The following DPP10 variants were observed in gnomAD, a reference collection of about 807,000 sequenced individuals.
The protein encoded by DPP10 is dipeptidyl peptidase like 10.
DPP10 carries 33 observed loss-of-function variants against 120.9 expected under a neutral mutation model. That is an observed-to-expected ratio of 0.27 (90% CI 0.21 to 0.37). The LOEUF is 0.37. DPP10 is among the 10% of genes least tolerant of loss of function. DPP10 has a pLI of 1.00. For synonymous variants in DPP10, 337 were observed against 326.1 expected (o/e 1.03, Z -0.36); for missense variants, 816 against 942.8 (o/e 0.87, Z 1.76).
At chr2:115,691,056 T>C (rs973351247) in intron 7 of DPP10, among the ~76,000 whole-genome samples, 13 of 152,226 alleles carry the variant, frequency 8.5e-5, no homozygotes, top group Admixed American at 7.9e-4. Flanking sequence ...TACTGGCAAT[T>C]TGTATTTTTT....
At chr2:115,526,004 T>C (rs1210327521) in intron 5 of DPP10, 32 bp downstream of exon 5, 11 of 1,551,736 alleles carry the variant, frequency 7.1e-6, no homozygotes, top group Admixed American at 3.7e-5. Context: ...AGAATACTTT[T>C]CTTTGTGATG....
chr2:114,569,898 C>T lies in DPP10; in HGVS notation c.60+127060C>T, dbSNP rs1019361773. On this transcript the variant is annotated intron_variant, in intron 1 of 25. Coordinates refer to ENST00000410059, the MANE Select transcript of DPP10 (RefSeq NM_020868.6). ...ATTATTTATTAATTATCTATGTAGC[C>T]ATCTATGTCAACTGTCAATCAATGT... is the stretch of plus-strand genomic sequence containing the variant. Among the ~76,000 whole-genome samples, 9 of 152,282 alleles carry T rather than the reference C, an allele frequency of 5.9e-5. No individual in the cohort carries two copies. In the East Asian group the frequency reaches 7.7e-4, roughly 13 times the overall value.
intron 1 of DPP10, among the ~76,000 whole-genome samples, chr2:114,819,617 C>A (rs1323549812): frequency 2.6e-5 from 4 of 152,186 alleles, no homozygotes; most frequent in Non-Finnish European, 5.9e-5. Context: ...GCGTAAAAAA[C>A]CCCAGGCAAA....
intron 1 of DPP10, among the ~76,000 whole-genome samples, chr2:114,851,343 A>G (rs1251951269): frequency 6.6e-6 from 1 of 152,166 alleles, no homozygotes; most frequent in Non-Finnish European, 1.5e-5. Context: ...ATTAACAACT[A>G]AGATGCACTG....
chr2:115,618,829 T>G (rs1266763005), intron 5 of DPP10, among the ~76,000 whole-genome samples: 1 of 152,020 alleles, frequency 6.6e-6, no homozygotes, highest in Non-Finnish European at 1.5e-5. Context: ...GTAGAAATCC[T>G]TTGACAATTA....
intron 1 of DPP10, among the ~76,000 whole-genome samples, chr2:114,961,957 AAAT>A (rs1457115619): frequency 6.6e-6 from 1 of 152,144 alleles, no homozygotes; most frequent in Non-Finnish European, 1.5e-5. Context: ...CCATCTCAAA[AAAT>A]AATAATAATA....
intron 5 of DPP10, among the ~76,000 whole-genome samples, chr2:115,655,791 CATATT>C (rs914070790): frequency 1.9e-4 from 29 of 151,382 alleles, no homozygotes; most frequent in Non-Finnish European, 4.0e-4. Flanking sequence ...GAAGAATTAT[CATATT>C]ATATTGAATA....
chr2:114,817,388 T>C (rs1214253186), intron 1 of DPP10, among the ~76,000 whole-genome samples: 1 of 151,576 alleles, frequency 6.6e-6, no homozygotes, highest in Non-Finnish European at 1.5e-5. Flanking sequence ...GAGGTGAGGA[T>C]GAGGCTAAAG....
At chr2:114,664,845 A>G (rs1036393664) in intron 1 of DPP10, among the ~76,000 whole-genome samples, 8 of 150,502 alleles carry the variant, frequency 5.3e-5, no homozygotes, top group Admixed American at 4.6e-4. Context: ...AGAGCATCCA[A>G]AAGATGGGAT....
chr2:114,774,320 A>G (rs1248309479), intron 1 of DPP10, among the ~76,000 whole-genome samples: 1 of 152,018 alleles, frequency 6.6e-6, no homozygotes, highest in Non-Finnish European at 1.5e-5. Flanking sequence ...CAACCTATGC[A>G]CAGCAGTAAG....
At chr2:114,812,014 T>C (rs1256322274) in intron 1 of DPP10, among the ~76,000 whole-genome samples, 2 of 152,134 alleles carry the variant, frequency 1.3e-5, no homozygotes, top group African/African-American at 4.8e-5. Flanking sequence ...CTGGGTTACA[T>C]TTTCCTCTAT....
At chr2:114,482,425 G>T (rs1390480747) in intron 1 of DPP10, among the ~76,000 whole-genome samples, 1 of 152,062 alleles carries the variant, frequency 6.6e-6, no homozygotes, top group Non-Finnish European at 1.5e-5. Context: ...ACAATTATGA[G>T]AATCAAACGT....
chr2:114,444,144 T>C (rs919405231), intron 1 of DPP10, among the ~76,000 whole-genome samples: 4 of 152,282 alleles, frequency 2.6e-5, no homozygotes, highest in Middle Eastern at 3.4e-3. Context: ...ATAACAGATA[T>C]GAGAATCTTT....
chr2:115,463,240 A>G (rs569428877), intron 3 of DPP10, among the ~76,000 whole-genome samples: 8 of 152,166 alleles, frequency 5.3e-5, no homozygotes, highest in Non-Finnish European at 1.2e-4. Flanking sequence ...GAGCATTTCC[A>G]TAACTGATTC....
chr2:115,521,586 A>C (rs1301136876), intron 4 of DPP10, among the ~76,000 whole-genome samples: 1 of 149,676 alleles, frequency 6.7e-6, no homozygotes, highest in Non-Finnish European at 1.5e-5. Flanking sequence ...TTCTTTCTCC[A>C]TCTTCAAATC....
intron 5 of DPP10, among the ~76,000 whole-genome samples, chr2:115,589,893 G>A (rs1239438584): frequency 2.6e-5 from 4 of 151,974 alleles, no homozygotes; most frequent in African/African-American, 7.2e-5. Context: ...CATGCATATC[G>A]GTATCTATAC....
intron 13 of DPP10, 30 bp downstream of exon 13, chr2:115,768,434 T>C: frequency 6.3e-7 from 1 of 1,596,000 alleles, no homozygotes; most frequent in Non-Finnish European, 8.6e-7. Flanking sequence ...CATGTTTTGA[T>C]TTCATTGTCC....
intron 1 of DPP10, among the ~76,000 whole-genome samples, chr2:114,571,201 G>A (rs1345096987): frequency 6.6e-6 from 1 of 152,164 alleles, no homozygotes; most frequent in Non-Finnish European, 1.5e-5. Flanking sequence ...GATCATGGAG[G>A]TGGTGTCTAA....
At chr2:114,480,295 TGG>T (rs112564668) in intron 1 of DPP10, among the ~76,000 whole-genome samples, 1 of 152,080 alleles carries the variant, frequency 6.6e-6, no homozygotes, top group African/African-American at 2.4e-5. Flanking sequence ...GAAGTCAGTG[TGG>T]TGATTCCTCA....
Sources: gnomAD v4.1 joint callset for allele counts (sites outside exome capture counted in the v4.1 genomes callset) on GRCh38, gnomAD v4.1.1 for gene constraint, MANE v1.5 for transcripts, NCBI Gene and HGNC (gene_info 2026-07-23, HGNC 2026-07-21) for gene names.